SH3PXD2B: variants seen among roughly 807,000 people sequenced by gnomAD.
SH3PXD2B encodes SH3 and PX domain-containing protein 2B.
Under a neutral mutation model 73.1 loss-of-function variants are expected in SH3PXD2B, and 37 were observed. That is an observed-to-expected ratio of 0.51 (90% CI 0.39 to 0.67). The LOEUF is 0.67. Ranked by LOEUF, SH3PXD2B falls within the 30% of genes least tolerant of loss-of-function variation. SH3PXD2B has a pLI of 0.00. For synonymous variants in SH3PXD2B, 457 were observed against 480.5 expected, an observed-to-expected ratio of 0.95 and a Z score of 0.64; for missense variants, 1,053 against 1,197.8, an observed-to-expected ratio of 0.88 and a Z score of 1.78.
rs999789781 is a variant in SH3PXD2B, at chr5:172,336,464, G to A, written c.*1905C>T. 30 of 985,924 alleles carry A rather than the reference G, an allele frequency of 3.0e-5. No individual in the cohort carries two copies. The Admixed American group carries it at 8.0e-4, about 26-fold the overall frequency. 61.1% of individuals were successfully genotyped at this position (985,924 alleles called of 1,614,324 possible). On this transcript the variant is annotated 3_prime_UTR_variant, in exon 13 of 13. Coordinates refer to ENST00000311601, the MANE Select transcript of SH3PXD2B (RefSeq NM_001017995.3). ...AATGGGATTTGCAGGCCGACTGGACGAAGGCACTAAAGATGCTACAGGTGA... is the reference window on the plus strand; with the variant it reads ...AATGGGATTTGCAGGCCGACTGGACAAAGGCACTAAAGATGCTACAGGTGA...
At chr5:172,433,600 G>A (rs1561580783) in intron 1 of SH3PXD2B, among the ~76,000 whole-genome samples, 1 of 152,152 alleles carries the variant, frequency 6.6e-6, no homozygotes, top group African/African-American at 2.4e-5. Context: ...AGCCCCTGCC[G>A]GGTGCCAGCC....
At chr5:172,430,738 C>T (rs1172018177) in intron 1 of SH3PXD2B, among the ~76,000 whole-genome samples, 5 of 152,266 alleles carry the variant, frequency 3.3e-5, no homozygotes, top group African/African-American at 9.6e-5. Context: ...CCCTCTTCCT[C>T]TGAGGACCAA....
rs76956436 is a variant in SH3PXD2B, at chr5:172,338,075, G to T, written c.*294C>A. On this transcript the variant is annotated 3_prime_UTR_variant, in exon 13 of 13. Transcript: ENST00000311601. The surrounding 1 kb of genome is among the most constrained non-coding windows in gnomAD (Gnocchi z 5.1). ...TTGGAGAGTCTTGGTCCCACTGCTG[G>T]GTGGCAATGCCATTGGCCAGGAGGA... 0.01 allele frequency: 13,810 copies of T among 1,328,082 alleles called. 207 individuals are homozygous for T. The highest frequency in any genetic ancestry group is 0.061 in the East Asian group (1,821 of 29,742). 82.3% of individuals were successfully genotyped at this position (1,328,082 alleles called of 1,614,324 possible).
At chr5:172,386,663 C>A (rs1042513559) in intron 4 of SH3PXD2B, among the ~76,000 whole-genome samples, 1 of 152,114 alleles carries the variant, frequency 6.6e-6, no homozygotes, top group South Asian at 2.1e-4. Context: ...CAGGGTCTGG[C>A]TCTGTGGCCC....
In SH3PXD2B at chr5:172,337,411, C is replaced by G; in HGVS notation, c.*958G>C. 2.0e-6 allele frequency: 2 copies of G among 979,726 alleles called. No homozygotes were observed. Among genetic ancestry groups the G allele is most frequent in the Non-Finnish European group, 2.4e-6 (2 of 824,772 alleles). 60.7% of individuals were successfully genotyped at this position (979,726 alleles called of 1,614,324 possible). A position where few individuals can be genotyped will look rare whatever the true frequency, so the allele number is the denominator to read the frequency against. On this transcript the variant is annotated 3_prime_UTR_variant, in exon 13 of 13. Coordinates refer to ENST00000311601, the MANE Select transcript of SH3PXD2B (RefSeq NM_001017995.3). ...CTGGTGTGTCCTTGGGCACATGGAG[C>G]GTGAATTTCCTCATCTATAAAGGGA...
chr5:172,392,391 T>C lies in SH3PXD2B; in HGVS notation c.309+2172A>G, dbSNP rs202163589. On this transcript the variant is annotated intron_variant, in intron 4 of 12. Coordinates refer to ENST00000311601, the MANE Select transcript of SH3PXD2B (RefSeq NM_001017995.3). The stretch of plus-strand genomic sequence containing the variant: ...CAGAACTGTAGGAAACTAAATGATG[T>C]TGTAAGCCAACCAGTTTGTGGTATT... 1.8e-4 allele frequency among the ~76,000 whole-genome samples: 28 copies of C among 152,276 alleles called. No homozygotes were observed. In the East Asian group the frequency reaches 5.4e-3, roughly 29 times the overall value.
intron 1 of SH3PXD2B, among the ~76,000 whole-genome samples, chr5:172,443,382 G>A (rs550135058): frequency 1.3e-5 from 2 of 152,132 alleles, no homozygotes; most frequent in East Asian, 1.9e-4. Flanking sequence ...CCCCTTCTAC[G>A]TTCAAGGGCC....
intron 1 of SH3PXD2B, among the ~76,000 whole-genome samples, chr5:172,449,938 G>C (rs1344564653): frequency 1.3e-5 from 2 of 152,196 alleles, no homozygotes; most frequent in Non-Finnish European, 2.9e-5. Context: ...GGAGCTAGCT[G>C]GATCGACATA....
chr5:172,343,222 G>A (rs1756898377), intron 12 of SH3PXD2B, among the ~76,000 whole-genome samples: 1 of 152,190 alleles, frequency 6.6e-6, no homozygotes, highest in African/African-American at 2.4e-5. Flanking sequence ...GAGGATGACT[G>A]GCATCTTATC....
rs1756741894 is a variant in SH3PXD2B, at chr5:172,337,916, G to A, written c.*453C>T. On this transcript the variant is annotated 3_prime_UTR_variant, in exon 13 of 13. Transcript: ENST00000311601. Reference sequence around the variant, plus strand: ...TAGGAGGAGTGAATAAAGCCACTGGGCTTTTAGAAACATGAAGAAGTTGGA... The same window carrying A: ...TAGGAGGAGTGAATAAAGCCACTGGACTTTTAGAAACATGAAGAAGTTGGA... 8.7e-6 allele frequency: 9 copies of A among 1,034,656 alleles called. No individual in the cohort carries two copies. The highest frequency in any genetic ancestry group is 1.0e-5 in the Non-Finnish European group (9 of 859,742). 64.1% of individuals were successfully genotyped at this position (1,034,656 alleles called of 1,614,324 possible).
chr5:172,439,692 G>GCGCGCGCACACACA (rs1554087696), intron 1 of SH3PXD2B, among the ~76,000 whole-genome samples: 3 of 138,542 alleles, frequency 2.2e-5, no homozygotes, highest in African/African-American at 8.4e-5. Flanking sequence ...GCACGCGCGC[G>GCGCGCGCACACACA]CACACACACA....
chr5:172,448,345 T>C (rs1759720554), intron 1 of SH3PXD2B, among the ~76,000 whole-genome samples: 1 of 152,234 alleles, frequency 6.6e-6, no homozygotes, highest in Non-Finnish European at 1.5e-5. Flanking sequence ...CTACCATTTA[T>C]TGAGTACCTT....
In SH3PXD2B at chr5:172,333,925, T is replaced by G; in HGVS notation, c.*4444A>C. 1 of 1,250,492 alleles carries G rather than the reference T, an allele frequency of 8.0e-7. No individual in the cohort carries two copies. The highest frequency in any genetic ancestry group is 1.0e-6 in the Non-Finnish European group (1 of 976,598). 77.5% of individuals were successfully genotyped at this position (1,250,492 alleles called of 1,614,324 possible). ...CACAAAGGCATACATGGGCACACAC[T>G]GGGGTAAAATGTGGACACCATCGTT... On this transcript the variant is annotated 3_prime_UTR_variant, in exon 13 of 13. Coordinates refer to ENST00000311601, the MANE Select transcript of SH3PXD2B (RefSeq NM_001017995.3).
At chr5:172,376,829 A>C (rs1757832622) in intron 5 of SH3PXD2B, among the ~76,000 whole-genome samples, 3 of 152,342 alleles carry the variant, frequency 2.0e-5, no homozygotes, top group East Asian at 3.9e-4. Context: ...TCCATTTTGC[A>C]GATGAAGATA....
chr5:172,364,579 C>G (rs1228673808), intron 6 of SH3PXD2B, among the ~76,000 whole-genome samples: 3 of 152,144 alleles, frequency 2.0e-5, no homozygotes, highest in African/African-American at 7.2e-5. Context: ...CCATGAGAAT[C>G]GCTTGAACCC....
In SH3PXD2B at chr5:172,335,867, C is replaced by G; in HGVS notation, c.*2502G>C. On this transcript the variant is annotated 3_prime_UTR_variant, in exon 13 of 13. Coordinates refer to ENST00000311601, the MANE Select transcript of SH3PXD2B (RefSeq NM_001017995.3). ...CCATAGATATGACTCAAGGAGAGAACAGTGAACAGAGAGGACTGTGGCTTC... is the reference window on the plus strand; with the variant it reads ...CCATAGATATGACTCAAGGAGAGAAGAGTGAACAGAGAGGACTGTGGCTTC... 8.2e-7 allele frequency: 1 copy of G among 1,224,242 alleles called. No homozygotes were observed. Among genetic ancestry groups the G allele is most frequent in the Non-Finnish European group, 1.0e-6 (1 of 983,768 alleles). The allele number at this position is 1,224,242 out of a possible 1,614,324, so 75.8% of individuals were successfully genotyped here.
Position 172,395,277 on chromosome 5 carries a change from G to A in SH3PXD2B, c.233-638C>T, listed in dbSNP as rs115854911. Among the ~76,000 whole-genome samples the A allele has an allele frequency of 6.0e-3, 918 of 152,296 alleles. 12 individuals are homozygous for A. The highest frequency in any genetic ancestry group is 0.021 in the African/African-American group (873 of 41,554). On this transcript the variant is annotated intron_variant, in intron 3 of 12. Transcript: ENST00000311601. ...CTCTGCACCAATAGGAACTGACTGC[G>A]TCTCAGTCCATTTTGTGACAATAAT...
At position 172,434,294 on chromosome 5, in the gene SH3PXD2B, G is replaced by A. The variant is rs78947962; in HGVS notation, c.76-11798C>T. Among the ~76,000 whole-genome samples the A allele has an allele frequency of 2.0e-3, 306 of 152,226 alleles. 12 individuals carry two copies. In the East Asian group the frequency reaches 0.055, roughly 27 times the overall value. ...ATAAAAAGATTTAAGCCAGTATCAA[G>A]CTTAGAGGCTCTTGACAAACAACAG... On this transcript the variant is annotated intron_variant, in intron 1 of 12. Coordinates refer to ENST00000311601, the MANE Select transcript of SH3PXD2B (RefSeq NM_001017995.3).
rs1387336836 is a variant in SH3PXD2B at position 172,339,283 on chromosome 5, T to A, written c.1822A>T (p.Lys608Ter). 6.2e-7 allele frequency: 1 copy of A among 1,614,182 alleles called. No homozygotes were observed. Among genetic ancestry groups the A allele is most frequent in the Admixed American group, 1.7e-5 (1 of 60,028 alleles). Residue 608 changes from lysine (K) to a stop codon, truncating the protein, a stop_gained, in exon 13 of 13, where the codon AAG becomes TAG. Coordinates refer to ENST00000311601, the MANE Select transcript of SH3PXD2B (RefSeq NM_001017995.3). LOFTEE classifies it high-confidence loss of function. The surrounding 1 kb of genome is among the most constrained non-coding windows in gnomAD (Gnocchi z 6.1). ...CGHKVLAKEV[K>*]KPNLRPISKS... Reference sequence around the variant, plus strand: ...GAGATGGGCCGGAGGTTGGGCTTCTTCACTTCCTTGGCCAAGACCTTGTGG... The same window carrying A: ...GAGATGGGCCGGAGGTTGGGCTTCTACACTTCCTTGGCCAAGACCTTGTGG...
Sources: allele counts gnomAD v4.1 joint callset (sites outside exome capture counted in the v4.1 genomes callset), GRCh38; gene constraint gnomAD v4.1.1; non-coding constraint Gnocchi (gnomAD v3.1); transcripts MANE v1.5; gene names NCBI Gene and HGNC (gene_info 2026-07-23, HGNC 2026-07-21).